The following SYNPR variants were observed in gnomAD, a reference collection of about 807,000 sequenced individuals.
The protein encoded by SYNPR is synaptoporin.
SYNPR carries 23 observed loss-of-function variants against 32.9 expected under a neutral mutation model. That is an observed-to-expected ratio of 0.70 (90% CI 0.50 to 0.99). The LOEUF (loss-of-function observed/expected upper bound fraction) is 0.99, where lower values mean the gene tolerates loss of function less well. Among genes scored for constraint, SYNPR ranks in the 50% least tolerant of loss-of-function variants. The pLI is 0.00. For missense variants in SYNPR, 318 were observed against 349.3 expected (o/e 0.91, Z 0.71); for synonymous variants, 146 against 135.9 (o/e 1.07, Z -0.52).
chr3:63,243,202 A>G (rs941695239), intron 1 of SYNPR, among the ~76,000 whole-genome samples: 6 of 152,052 alleles, frequency 3.9e-5, no homozygotes, highest in Non-Finnish European at 8.8e-5. Context: ...AATCAATTCT[A>G]AGATTCAAGG....
At chr3:63,306,969 A>G (rs1299517589) in intron 2 of SYNPR, among the ~76,000 whole-genome samples, 2 of 152,040 alleles carry the variant, frequency 1.3e-5, no homozygotes, top group South Asian at 4.1e-4. Flanking sequence ...TTCTGAGACA[A>G]TAAGAATAAT....
chr3:63,506,049 A>T (rs1379820725), intron 3 of SYNPR, among the ~76,000 whole-genome samples: 1 of 151,010 alleles, frequency 6.6e-6, no homozygotes, highest in African/African-American at 2.5e-5. Flanking sequence ...ACTCCTCCAC[A>T]CTTTGTTGTC....
At chr3:63,520,272 A>G (rs1216571828) in intron 3 of SYNPR, among the ~76,000 whole-genome samples, 9 of 152,234 alleles carry the variant, frequency 5.9e-5, no homozygotes, top group Non-Finnish European at 1.3e-4. Context: ...AATTCTGGGA[A>G]AGGAATTCTG....
chr3:63,278,787 T>C (rs1248876933), intron 2 of SYNPR, 45 bp downstream of exon 2: 1 of 1,546,628 alleles, frequency 6.5e-7, no homozygotes, highest in Admixed American at 2.0e-5. Flanking sequence ...GGCAGCCAGC[T>C]ATCAGGTGAG....
At chr3:63,469,159 C>T (rs549559558) in intron 2 of SYNPR, among the ~76,000 whole-genome samples, 15 of 152,150 alleles carry the variant, frequency 9.9e-5, no homozygotes, top group African/African-American at 2.9e-4. Context: ...ATTCAGAGAA[C>T]GCTGCACATG....
chr3:63,354,316 C>T (rs2087547010), intron 2 of SYNPR, among the ~76,000 whole-genome samples: 1 of 152,180 alleles, frequency 6.6e-6, no homozygotes, highest in Non-Finnish European at 1.5e-5. Flanking sequence ...GTTTGCTTTC[C>T]TGAATCATCC....
At chr3:63,573,286 G>C (rs1702920616) in intron 4 of SYNPR, among the ~76,000 whole-genome samples, 4 of 152,130 alleles carry the variant, frequency 2.6e-5, no homozygotes, top group Admixed American at 6.6e-5. Context: ...CGCAGGTGAA[G>C]GGACAATTGA....
chr3:63,477,534 C>T (rs1302364467), intron 2 of SYNPR, among the ~76,000 whole-genome samples: 7 of 152,140 alleles, frequency 4.6e-5, no homozygotes, highest in Admixed American at 3.9e-4. Context: ...GTAAATGAGA[C>T]ATGGCTTTAT....
intron 2 of SYNPR, among the ~76,000 whole-genome samples, chr3:63,442,128 G>A (rs1700188666): frequency 6.6e-6 from 1 of 151,750 alleles, no homozygotes; most frequent in African/African-American, 2.4e-5. Context: ...AAGGGAGTAA[G>A]AGAGATGATG....
chr3:63,446,059 A>C (rs532390359), intron 2 of SYNPR, among the ~76,000 whole-genome samples: 2 of 152,192 alleles, frequency 1.3e-5, no homozygotes, highest in South Asian at 4.1e-4. Context: ...GAAGTGGATA[A>C]ATCAAGGTAG....
At chr3:63,311,003 T>C (rs1376956882) in intron 2 of SYNPR, among the ~76,000 whole-genome samples, 12 of 67,266 alleles carry the variant, frequency 1.8e-4, no homozygotes, top group Non-Finnish European at 4.4e-5. Flanking sequence ...ATAGATGTCA[T>C]TTATGTGGTA....
At chr3:63,494,403 ATATATATATATATACG>A (rs1328144533) in intron 3 of SYNPR, among the ~76,000 whole-genome samples, 5 of 106,962 alleles carry the variant, frequency 4.7e-5, no homozygotes, top group South Asian at 2.9e-4. Context: ...TTATATATAT[ATATATATATATATACG>A]TATATATATA....
At position 63,331,094 on chromosome 3, in the gene SYNPR, A is replaced by G. The variant is rs187178399; in HGVS notation, c.84+52352A>G. On this transcript the variant is annotated intron_variant, in intron 2 of 5. Coordinates refer to ENST00000478300, the MANE Select transcript of SYNPR (RefSeq NM_001130003.2). ...TCAGAAAATACACAGCACATATATCATTACCACCACTATGACCACACTGTG... is the reference window on the plus strand; with the variant it reads ...TCAGAAAATACACAGCACATATATCGTTACCACCACTATGACCACACTGTG... Among the ~76,000 whole-genome samples, 192 of 152,278 alleles carry G rather than the reference A, an allele frequency of 1.3e-3. 6 individuals carry two copies. Among genetic ancestry groups the G allele is most frequent in the Admixed American group, 0.012 (190 of 15,298 alleles).
At chr3:63,553,870 C>T (rs1000106405) in intron 3 of SYNPR, among the ~76,000 whole-genome samples, 7 of 151,978 alleles carry the variant, frequency 4.6e-5, no homozygotes, top group Admixed American at 6.6e-5. Flanking sequence ...TACAGGCATG[C>T]GCCACCATGC....
At chr3:63,362,548 A>C (rs17068321) in intron 2 of SYNPR, among the ~76,000 whole-genome samples, 3,464 of 152,318 alleles carry the variant, frequency 0.023, 146 homozygotes, top group African/African-American at 0.078. Flanking sequence ...CTAGGAAAAG[A>C]AAAGTGAGCA....
chr3:63,326,105 G>A (rs1851668), intron 2 of SYNPR, among the ~76,000 whole-genome samples: 68,461 of 151,576 alleles, frequency 0.45, 15,592 homozygotes, highest in Middle Eastern at 0.52. Context: ...GAAATTGGTT[G>A]ACAATTCAAG....
intron 2 of SYNPR, among the ~76,000 whole-genome samples, chr3:63,370,456 T>C (rs2087797249): frequency 6.6e-6 from 1 of 152,224 alleles, no homozygotes; most frequent in Non-Finnish European, 1.5e-5. Context: ...AAGAATCTAT[T>C]GGATACTTCC....
intron 3 of SYNPR, among the ~76,000 whole-genome samples, chr3:63,492,471 C>T (rs573181136): frequency 6.6e-6 from 1 of 152,202 alleles, no homozygotes; most frequent in African/African-American, 2.4e-5. Context: ...TGTAAAGACT[C>T]AAAGCATTAA....
rs369063217 is a variant in SYNPR at position 63,614,985 on chromosome 3, A to G, written c.601-239A>G. ...ACAATAGCAACTTTTTCCTAGACTG[A>G]TTCTTAGAGCAAGTGAATTGATACA... On this transcript the variant is annotated intron_variant, in intron 5 of 5. Coordinates refer to ENST00000478300, the MANE Select transcript of SYNPR (RefSeq NM_001130003.2). Among the ~76,000 whole-genome samples, 16 of 152,278 alleles carry G rather than the reference A, an allele frequency of 1.1e-4. No individual in the cohort carries two copies. In the East Asian group the frequency reaches 2.1e-3, roughly 20 times the overall value.
Sources: allele counts gnomAD v4.1 joint callset (sites outside exome capture counted in the v4.1 genomes callset), GRCh38; gene constraint gnomAD v4.1.1; transcripts MANE v1.5; gene names NCBI Gene and HGNC (gene_info 2026-07-23, HGNC 2026-07-21).